Variants in LRRC4C observed in about 807,000 individuals in gnomAD.
The protein encoded by LRRC4C is leucine rich repeat containing 4C.
In LRRC4C, 5 loss-of-function variants were observed where a neutral mutation model predicts 33.6. The ratio of observed to expected loss-of-function variants is 0.15; its 90% CI spans 0.08 to 0.31. LRRC4C has a LOEUF of 0.31. Among genes scored for constraint, LRRC4C ranks in the 10% least tolerant of loss-of-function variants. The pLI is 1.00. For missense variants in LRRC4C, 560 were observed against 796.7 expected (o/e 0.70, Z 3.58); for synonymous variants, 329 against 302.0 (o/e 1.09, Z -0.93).
At chr11:40,953,062 A>G (rs556284693) in intron 1 of LRRC4C, among the ~76,000 whole-genome samples, 1 of 151,930 alleles carries the variant, frequency 6.6e-6, no homozygotes, top group Non-Finnish European at 1.5e-5. Context: ...ACTAATAAAG[A>G]GGTCCTCAGA....
At position 40,390,968 on chromosome 11, in the gene LRRC4C, G is replaced by A. The variant is rs12280413; in HGVS notation, c.-269-71247C>T. 3.4e-3 allele frequency among the ~76,000 whole-genome samples: 515 copies of A among 151,932 alleles called. 3 individuals are homozygous for A. The highest frequency in any genetic ancestry group is 0.012 in the African/African-American group (486 of 41,428). ...GCAGTCTAGGCTCACTGCAACCTCC[G>A]CCTCCCAGGTTCAAGCAATTGTGGT... On this transcript the variant is annotated intron_variant, in intron 3 of 6. Transcript: ENST00000528697.
At chr11:40,804,339 T>C (rs1233401130) in intron 2 of LRRC4C, among the ~76,000 whole-genome samples, 1 of 152,204 alleles carries the variant, frequency 6.6e-6, no homozygotes, top group Non-Finnish European at 1.5e-5. Context: ...AATACATCCG[T>C]AGAATAAGAA....
chr11:41,165,897 G>C (rs1258920442), intron 1 of LRRC4C, among the ~76,000 whole-genome samples: 1 of 152,032 alleles, frequency 6.6e-6, no homozygotes, highest in Non-Finnish European at 1.5e-5. Flanking sequence ...TGGGCATGGT[G>C]GTGGGTGCCT....
chr11:40,344,713 T>C (rs889232146), intron 3 of LRRC4C, among the ~76,000 whole-genome samples: 1 of 152,144 alleles, frequency 6.6e-6, no homozygotes, highest in African/African-American at 2.4e-5. Context: ...AAAGTCAAAC[T>C]ACCACTGTTT....
intron 3 of LRRC4C, among the ~76,000 whole-genome samples, chr11:40,409,088 A>G (rs951523617): frequency 4.6e-5 from 7 of 152,050 alleles, no homozygotes. Flanking sequence ...GAGAGCCCAG[A>G]AATCCACACA....
intron 1 of LRRC4C, among the ~76,000 whole-genome samples, chr11:40,995,166 A>G (rs897031782): frequency 2.6e-5 from 4 of 152,086 alleles, no homozygotes; most frequent in Non-Finnish European, 5.9e-5. Flanking sequence ...GTACACTAGG[A>G]ATCAGAGTAA....
chr11:41,349,871 A>G (rs994638758), intron 1 of LRRC4C, among the ~76,000 whole-genome samples: 2 of 152,224 alleles, frequency 1.3e-5, no homozygotes, highest in Non-Finnish European at 2.9e-5. Flanking sequence ...TAGATCCATT[A>G]TATGTTAACA....
At chr11:40,869,240 A>G (rs1954518736) in intron 2 of LRRC4C, among the ~76,000 whole-genome samples, 1 of 152,184 alleles carries the variant, frequency 6.6e-6, no homozygotes, top group African/African-American at 2.4e-5. Flanking sequence ...TTCACAAATT[A>G]TGTATTGAAA....
intron 4 of LRRC4C, among the ~76,000 whole-genome samples, chr11:40,263,510 G>A (rs1304322601): frequency 6.6e-6 from 1 of 151,472 alleles, no homozygotes; most frequent in East Asian, 1.9e-4. Flanking sequence ...ACAATGTAGT[G>A]GTCCTATCCC....
chr11:40,243,229 C>T (rs978726291), intron 4 of LRRC4C, among the ~76,000 whole-genome samples: 2 of 152,122 alleles, frequency 1.3e-5, no homozygotes, highest in Non-Finnish European at 2.9e-5. Context: ...AATTTCTACA[C>T]TATAATTAAT....
At chr11:40,427,786 T>C (rs1950771048) in intron 3 of LRRC4C, among the ~76,000 whole-genome samples, 2 of 151,986 alleles carry the variant, frequency 1.3e-5, no homozygotes, top group South Asian at 2.1e-4. Context: ...ACCATGATTG[T>C]GTCACTGCAT....
chr11:40,982,462 T>A (rs1852611949), intron 1 of LRRC4C, among the ~76,000 whole-genome samples: 1 of 152,110 alleles, frequency 6.6e-6, no homozygotes, highest in Non-Finnish European at 1.5e-5. Context: ...CATTGCATAG[T>A]ATGATAATGA....
At chr11:41,357,634 T>C (rs965893283) in intron 1 of LRRC4C, among the ~76,000 whole-genome samples, 4 of 152,104 alleles carry the variant, frequency 2.6e-5, no homozygotes, top group African/African-American at 9.7e-5. Context: ...GTTGTTGGAA[T>C]GCAAAATAAT....
intron 1 of LRRC4C, among the ~76,000 whole-genome samples, chr11:41,422,883 A>G (rs1954919655): frequency 6.6e-6 from 1 of 152,140 alleles, no homozygotes; most frequent in South Asian, 2.1e-4. Flanking sequence ...AATTAGCAGC[A>G]TTGGCAGAAT....
At chr11:40,534,692 C>T (rs1344128993) in intron 3 of LRRC4C, among the ~76,000 whole-genome samples, 1 of 152,150 alleles carries the variant, frequency 6.6e-6, no homozygotes, top group Non-Finnish European at 1.5e-5. Flanking sequence ...TCACTATAGG[C>T]CTCAATGGGC....
intron 3 of LRRC4C, among the ~76,000 whole-genome samples, chr11:40,408,783 G>T (rs571575157): frequency 6.6e-6 from 1 of 151,816 alleles, no homozygotes; most frequent in South Asian, 2.1e-4. Flanking sequence ...TAAAAAATTG[G>T]ATATTTTGTG....
At chr11:41,122,926 A>C (rs1942515685) in intron 1 of LRRC4C, 1 of 152,114 alleles carries the variant, frequency 6.6e-6, no homozygotes, top group Non-Finnish European at 1.5e-5. Context: ...CTGACACTTA[A>C]AAAATTTGTG....
intron 2 of LRRC4C, among the ~76,000 whole-genome samples, chr11:40,708,854 T>A (rs1946316429): frequency 6.6e-6 from 1 of 152,166 alleles, no homozygotes; most frequent in Non-Finnish European, 1.5e-5. Flanking sequence ...AGTCTCCTTG[T>A]AGCTCTCTCA....
At chr11:40,495,886 G>A (rs1216228615) in intron 3 of LRRC4C, among the ~76,000 whole-genome samples, 1 of 127,284 alleles carries the variant, frequency 7.9e-6, no homozygotes, top group Non-Finnish European at 1.6e-5. Context: ...CTGGAGTGTA[G>A]TGATGCGATC....
Sources: gnomAD v4.1 joint callset for allele counts (sites outside exome capture counted in the v4.1 genomes callset) on GRCh38, gnomAD v4.1.1 for gene constraint, MANE v1.5 for transcripts, NCBI Gene and HGNC (gene_info 2026-07-23, HGNC 2026-07-21) for gene names.